The following TAF4B variants were observed in gnomAD, a reference collection of about 807,000 sequenced individuals.
TAF4B encodes the protein TATA-box binding protein associated factor 4b.
Under a neutral mutation model 86.4 loss-of-function variants are expected in TAF4B, and 38 were observed. That is an observed-to-expected ratio of 0.44 (90% CI 0.34 to 0.58). TAF4B has a LOEUF of 0.58. Among genes scored for constraint, TAF4B ranks in the 20% least tolerant of loss-of-function variants. The probability of loss-of-function intolerance (pLI) is 0.02; values close to 1 mark genes in which losing one functional copy is unlikely to be tolerated. For synonymous variants in TAF4B, 388 were observed against 391.2 expected, an observed-to-expected ratio of 0.99 and a Z score of 0.10; for missense variants, 988 against 1,027.6, an observed-to-expected ratio of 0.96 and a Z score of 0.53.
intron 10 of TAF4B, among the ~76,000 whole-genome samples, chr18:26,320,257 T>C (rs1361361224): frequency 6.6e-6 from 1 of 152,242 alleles, no homozygotes; most frequent in East Asian, 1.9e-4. Flanking sequence ...ACAGATGACC[T>C]AATTGCCTGT....
intron 10 of TAF4B, among the ~76,000 whole-genome samples, chr18:26,315,671 T>TG (rs1339963373): frequency 6.6e-6 from 1 of 152,152 alleles, no homozygotes; most frequent in Non-Finnish European, 1.5e-5. Context: ...ATATACTATT[T>TG]TTTTTTCTGT....
chr18:26,260,561 T>C (rs1189893082), intron 1 of TAF4B, among the ~76,000 whole-genome samples: 1 of 152,250 alleles, frequency 6.6e-6, no homozygotes, highest in East Asian at 1.9e-4. Context: ...TTTCTTGTTT[T>C]TGTCAGGTTT....
intron 14 of TAF4B, among the ~76,000 whole-genome samples, chr18:26,368,577 ATTTG>A (rs1319965561): frequency 1.3e-5 from 2 of 152,144 alleles, no homozygotes; most frequent in Non-Finnish European, 2.9e-5. Context: ...AGGGTTCCTT[ATTTG>A]TTTATTATAG....
chr18:26,300,739 G>A (rs1196938064), intron 9 of TAF4B, among the ~76,000 whole-genome samples: 3 of 152,060 alleles, frequency 2.0e-5, no homozygotes, highest in African/African-American at 7.2e-5. Context: ...GTCTACATCA[G>A]TTTGGTGAAG....
intron 5 of TAF4B, among the ~76,000 whole-genome samples, chr18:26,280,620 C>T (rs892709322): frequency 2.0e-5 from 3 of 152,112 alleles, no homozygotes; most frequent in African/African-American, 7.2e-5. Flanking sequence ...TCATACTAGT[C>T]AAAATGTCTG....
At chr18:26,284,941 T>C (rs2056492113) in intron 6 of TAF4B, among the ~76,000 whole-genome samples, 1 of 152,286 alleles carries the variant, frequency 6.6e-6, no homozygotes, top group South Asian at 2.1e-4. Flanking sequence ...AATTTTGTTT[T>C]GATGTAAAGA....
chr18:26,304,223 A>G (rs866878805), intron 9 of TAF4B, among the ~76,000 whole-genome samples: 2 of 134,348 alleles, frequency 1.5e-5, no homozygotes, highest in Admixed American at 1.6e-4. Context: ...GGGTGTTCAT[A>G]TAAAATATAT....
In TAF4B at chr18:26,239,286, C is replaced by G. The variant is rs1278992266; in HGVS notation, c.343+12010C>G. On this transcript the variant is annotated intron_variant, in intron 1 of 14. Transcript: ENST00000269142. ...GACTTTTTAATGATTGCCATTCTAA[C>G]TGGTGTGAGATGGTATCTCATTGTG... 2.0e-5 allele frequency among the ~76,000 whole-genome samples: 3 copies of G among 152,146 alleles called. No homozygotes were observed. The South Asian group carries it at 6.2e-4, about 32-fold the overall frequency.
intron 9 of TAF4B, among the ~76,000 whole-genome samples, chr18:26,307,333 A>G (rs1479491062): frequency 6.6e-6 from 1 of 152,066 alleles, no homozygotes; most frequent in Non-Finnish European, 1.5e-5. Context: ...GCTTGTCAGT[A>G]TAGCTGGGGT....
At chr18:26,382,226 G>A (rs1300354820) in intron 14 of TAF4B, among the ~76,000 whole-genome samples, 3 of 152,156 alleles carry the variant, frequency 2.0e-5, no homozygotes, top group African/African-American at 7.2e-5. Context: ...AGGTAAAACC[G>A]ATCTCTGGAC....
In TAF4B at chr18:26,344,121, G is replaced by A. The variant is rs76829829; in HGVS notation, c.2316+8890G>A. Among the ~76,000 whole-genome samples, 1,498 of 152,172 alleles carry A rather than the reference G, an allele frequency of 9.8e-3. 13 individuals carry two copies. Among genetic ancestry groups the A allele is most frequent in the Admixed American group, 0.016 (239 of 15,280 alleles). ...AAATGGAAATTTAGGAACTGAAAAC[G>A]ACAATAACCAAAATAAAACACATTC... On this transcript the variant is annotated intron_variant, in intron 13 of 14. Transcript: ENST00000269142.
intron 1 of TAF4B, among the ~76,000 whole-genome samples, chr18:26,236,311 A>G (rs1188594500): frequency 2.0e-5 from 3 of 152,170 alleles, no homozygotes; most frequent in African/African-American, 7.2e-5. Context: ...TAGGATGGTA[A>G]TGGACCTTGA....
intron 14 of TAF4B, among the ~76,000 whole-genome samples, chr18:26,367,920 T>C (rs1158745072): frequency 6.6e-6 from 1 of 152,228 alleles, no homozygotes; most frequent in Non-Finnish European, 1.5e-5. Flanking sequence ...ATTGAGTGCC[T>C]ATTTTTCCAT....
At chr18:26,384,638 G>T (rs1194122755) in intron 14 of TAF4B, among the ~76,000 whole-genome samples, 3 of 152,170 alleles carry the variant, frequency 2.0e-5, no homozygotes, top group African/African-American at 7.2e-5. Context: ...AGTTTAACTA[G>T]TTTTAACTAC....
intron 7 of TAF4B, among the ~76,000 whole-genome samples, chr18:26,288,009 AAAC>A (rs921586929): frequency 1.7e-4 from 26 of 152,324 alleles, no homozygotes; most frequent in African/African-American, 6.3e-4. Flanking sequence ...CTCAGAGATG[AAAC>A]AACATTTTTA....
chr18:26,243,163 A>G (rs1268204366), intron 1 of TAF4B, among the ~76,000 whole-genome samples: 1 of 152,182 alleles, frequency 6.6e-6, no homozygotes, highest in Non-Finnish European at 1.5e-5. Flanking sequence ...CTCCTGGTTA[A>G]TATCCTGCAG....
chr18:26,314,228 T>C (rs2056879744), intron 9 of TAF4B, among the ~76,000 whole-genome samples: 1 of 152,226 alleles, frequency 6.6e-6, no homozygotes, highest in South Asian at 2.1e-4. Context: ...TATAATCACA[T>C]TATTGTAACT....
chr18:26,244,286 T>TC (rs1213926983), intron 1 of TAF4B, among the ~76,000 whole-genome samples: 1 of 152,150 alleles, frequency 6.6e-6, no homozygotes, highest in African/African-American at 2.4e-5. Context: ...CGGACCCCTC[T>TC]CCCCCAGCCT....
intron 9 of TAF4B, among the ~76,000 whole-genome samples, chr18:26,305,195 A>G (rs928840034): frequency 3.9e-5 from 6 of 152,202 alleles, no homozygotes; most frequent in Non-Finnish European, 7.3e-5. Context: ...TACCTCAAAT[A>G]CAGATATTTA....
Sources: allele counts gnomAD v4.1 joint callset (sites outside exome capture counted in the v4.1 genomes callset), GRCh38; gene constraint gnomAD v4.1.1; transcripts MANE v1.5; gene names NCBI Gene and HGNC (gene_info 2026-07-23, HGNC 2026-07-21).